C2CD2: variants seen among roughly 807,000 people sequenced by gnomAD.
C2CD2 encodes C2 calcium dependent domain containing 2, also known as C2 domain-containing protein 2.
C2CD2 carries 43 observed loss-of-function variants against 74.3 expected under a neutral mutation model. That is an observed-to-expected ratio of 0.58 (90% CI 0.45 to 0.75). C2CD2 has a LOEUF of 0.75. C2CD2 is among the 30% of genes least tolerant of loss of function. C2CD2 has a pLI of 0.00. For synonymous variants in C2CD2, 422 were observed against 390.7 expected (o/e 1.08, Z -0.94); for missense variants, 801 against 916.3 (o/e 0.87, Z 1.63).
Position 41,889,486 on chromosome 21 carries a change from T to A in C2CD2, c.1871-142A>T, listed in dbSNP as rs888146224. ...ACTACTTCAATATGCTGTCACTACC[T>A]GCATGAGAAAAATAACTGGAATCTG... On this transcript the variant is annotated intron_variant, in intron 13 of 13. Transcript: ENST00000380486. 8 of 632,016 alleles carry A rather than the reference T, an allele frequency of 1.3e-5. No individual in the cohort carries two copies. The African/African-American group carries it at 1.5e-4, about 12-fold the overall frequency. The allele number at this position is 632,016 out of a possible 1,614,324, so 39.2% of individuals were successfully genotyped here. A position where few individuals can be genotyped will look rare whatever the true frequency, so the allele number is the denominator to read the frequency against.
chr21:41,935,730 T>C (rs1221436426), intron 2 of C2CD2, among the ~76,000 whole-genome samples: 3 of 152,078 alleles, frequency 2.0e-5, no homozygotes, highest in African/African-American at 7.2e-5. Flanking sequence ...TGCACACCTG[T>C]AATCCCAGCT....
rs2065361607 is a variant in C2CD2 at position 41,942,310 on chromosome 21, T to A, written c.280-65A>T. The stretch of plus-strand genomic sequence containing the variant: ...GGGGCTGCATCTTTTAAATTACATA[T>A]CTGTTTAAAGTTCTGAAAAATTAAG... On this transcript the variant is annotated intron_variant, in intron 1 of 13. Coordinates refer to ENST00000380486, the MANE Select transcript of C2CD2 (RefSeq NM_015500.2). 4 of 1,269,126 alleles carry A rather than the reference T, an allele frequency of 3.2e-6. No individual in the cohort carries two copies. In the African/African-American group the frequency reaches 6.0e-5, roughly 19 times the overall value. 78.6% of individuals were successfully genotyped at this position (1,269,126 alleles called of 1,614,324 possible).
chr21:41,927,933 C>T (rs973908485), intron 2 of C2CD2, among the ~76,000 whole-genome samples: 7 of 152,186 alleles, frequency 4.6e-5, no homozygotes, highest in African/African-American at 1.4e-4. Context: ...CCCAGCAACA[C>T]TCTCCTCCCT....
rs765427363 is a variant in C2CD2 at position 41,918,232 on chromosome 21, T to A, written c.598-5A>T. On this transcript the variant is annotated splice_region_variant and splice_polypyrimidine_tract_variant and intron_variant, in intron 4 of 13. Transcript: ENST00000380486. ...ACTTGTCTCAGCCACCTGGTCCTGGTGAAAGAGGAGAAAGTTGACAAATCG... is the reference window on the plus strand; with the variant it reads ...ACTTGTCTCAGCCACCTGGTCCTGGAGAAAGAGGAGAAAGTTGACAAATCG... The A allele has an allele frequency of 1.5e-5, 24 of 1,613,926 alleles. No homozygotes were observed. Among genetic ancestry groups the A allele is most frequent in the Non-Finnish European group, 2.0e-5 (24 of 1,179,914 alleles).
intron 5 of C2CD2, 68 bp downstream of exon 5, chr21:41,918,037 C>CT: frequency 6.3e-7 from 1 of 1,592,034 alleles, no homozygotes. Flanking sequence ...CACACAGATT[C>CT]TCCAAGAGAG....
intron 2 of C2CD2, among the ~76,000 whole-genome samples, chr21:41,934,865 T>G: frequency 6.6e-6 from 1 of 152,060 alleles, no homozygotes; most frequent in Admixed American, 6.5e-5. Flanking sequence ...CGTTTTTTTT[T>G]TTTGCTTGTT....
At position 41,942,167 on chromosome 21, in the gene C2CD2, G is replaced by C; in HGVS notation, c.358C>G (p.Leu120Val). ...ELVVQEVSSV[L>V]RSAEEKVVVC... ...CTCACCTTCTCCTCCGCCGACCTGA[G>C]CACGCTGGAGACCTCCTGCACCACC... The change falls in exon 2 of 14, where the codon CTC (leucine) becomes GTC (valine). Residue 120 changes from leucine (L) to valine (V), a missense_variant. Leu to Val is a conservative substitution (Grantham distance 32). Transcript: ENST00000380486. 1 of 1,549,440 alleles carries C rather than the reference G, an allele frequency of 6.5e-7. No individual in the cohort carries two copies. The highest frequency in any genetic ancestry group is 1.2e-5 in the South Asian group (1 of 83,968).
chr21:41,947,141 C>CTCTCT (rs1569084407), intron 1 of C2CD2, among the ~76,000 whole-genome samples: 27 of 20,190 alleles, frequency 1.3e-3, no homozygotes, highest in African/African-American at 5.9e-3. Flanking sequence ...TCTCTCTCTC[C>CTCTCT]CTCCCTCCCT....
intron 3 of C2CD2, among the ~76,000 whole-genome samples, chr21:41,921,253 T>C (rs1126134): frequency 0.38 from 58,175 of 152,086 alleles, 12,533 homozygotes; most frequent in Non-Finnish European, 0.48. Flanking sequence ...AAACAGGGCA[T>C]TGAACTGGCA....
At chr21:41,896,707 C>CAAAAAAAAAA (rs71332341) in intron 13 of C2CD2, among the ~76,000 whole-genome samples, 2 of 73,704 alleles carry the variant, frequency 2.7e-5, no homozygotes, top group Non-Finnish European at 5.1e-5. Context: ...GTTCTTAAAC[C>CAAAAAAAAAA]AAAAAAAAAA....
At chr21:41,920,601 C>T (rs921303036) in intron 3 of C2CD2, among the ~76,000 whole-genome samples, 1 of 152,162 alleles carries the variant, frequency 6.6e-6, no homozygotes, top group Admixed American at 6.5e-5. Flanking sequence ...CGATGGAGAC[C>T]ACTCTTGCAT....
chr21:41,941,520 C>T (rs1359250863), intron 2 of C2CD2, among the ~76,000 whole-genome samples: 2 of 152,204 alleles, frequency 1.3e-5, no homozygotes, highest in Non-Finnish European at 2.9e-5. Flanking sequence ...AGTTCATATA[C>T]ACATAAATAT....
At position 41,933,930 on chromosome 21, in the gene C2CD2, T is replaced by C. The variant is rs567530869; in HGVS notation, c.378+8217A>G. Reference sequence around the variant, plus strand: ...AGTCAAGAGCTACGTGGAAAATTGTTGCAAAACAAAACAAGAGTCCGTGTG... The same window carrying C: ...AGTCAAGAGCTACGTGGAAAATTGTCGCAAAACAAAACAAGAGTCCGTGTG... On this transcript the variant is annotated intron_variant, in intron 2 of 13. Coordinates refer to ENST00000380486, the MANE Select transcript of C2CD2 (RefSeq NM_015500.2). Among the ~76,000 whole-genome samples the C allele has an allele frequency of 1.1e-4, 17 of 152,246 alleles. No individual in the cohort carries two copies. The East Asian group carries it at 2.9e-3, about 26-fold the overall frequency.
intron 2 of C2CD2, among the ~76,000 whole-genome samples, chr21:41,936,585 A>G (rs1479877997): frequency 6.6e-6 from 1 of 152,204 alleles, no homozygotes; most frequent in African/African-American, 2.4e-5. Flanking sequence ...CAGTCCCACT[A>G]CTGGGTATAC....
At chr21:41,928,629 A>T (rs2065237096) in intron 2 of C2CD2, among the ~76,000 whole-genome samples, 1 of 151,588 alleles carries the variant, frequency 6.6e-6, no homozygotes, top group Non-Finnish European at 1.5e-5. Flanking sequence ...GACAATTTTA[A>T]ATCATGGTGC....
At chr21:41,925,060 A>G (rs1262368961) in intron 2 of C2CD2, among the ~76,000 whole-genome samples, 1 of 152,218 alleles carries the variant, frequency 6.6e-6, no homozygotes, top group African/African-American at 2.4e-5. Context: ...AGAATGTGTG[A>G]TGTCTTTTCA....
chr21:41,894,491 G>C (rs1569054020), intron 13 of C2CD2: 1 of 386,090 alleles, frequency 2.6e-6, no homozygotes, highest in East Asian at 7.2e-5. Context: ...TGCTGCTAAG[G>C]ACAGCGTCTG....
At chr21:41,951,581 CCT>C (rs1394215520) in intron 1 of C2CD2, among the ~76,000 whole-genome samples, 1 of 152,020 alleles carries the variant, frequency 6.6e-6, no homozygotes, top group Non-Finnish European at 1.5e-5. Flanking sequence ...AAGGTGAGAC[CCT>C]CTCTCCTCTC....
At chr21:41,948,558 G>C (rs757032716) in intron 1 of C2CD2, among the ~76,000 whole-genome samples, 6 of 152,206 alleles carry the variant, frequency 3.9e-5, no homozygotes, top group Non-Finnish European at 8.8e-5. Flanking sequence ...CTGGACACTG[G>C]AGCAACAGAA....
Sources: allele counts gnomAD v4.1 joint callset (sites outside exome capture counted in the v4.1 genomes callset), GRCh38; gene constraint gnomAD v4.1.1; transcripts MANE v1.5; gene names NCBI Gene and HGNC (gene_info 2026-07-23, HGNC 2026-07-21).